Variants in GATAD2B observed in about 807,000 individuals in gnomAD.
GATAD2B encodes the protein GATA zinc finger domain containing 2B.
GATAD2B carries 8 observed loss-of-function variants against 64.3 expected under a neutral mutation model. That is an observed-to-expected ratio of 0.12 (90% CI 0.07 to 0.22). The LOEUF is 0.22. GATAD2B is among the 10% of genes least tolerant of loss of function. The pLI, the probability that GATAD2B is intolerant of heterozygous loss-of-function variation, is 1.00. For synonymous variants in GATAD2B, 281 were observed against 271.3 expected (o/e 1.04, Z -0.35); for missense variants, 453 against 752.0 (o/e 0.60, Z 4.65).
intron 1 of GATAD2B, among the ~76,000 whole-genome samples, chr1:153,911,803 C>T (rs1264488065): frequency 6.6e-6 from 1 of 152,084 alleles, no homozygotes; most frequent in Non-Finnish European, 1.5e-5. Context: ...ATTTATAAAC[C>T]TATAAAATAA....
intron 1 of GATAD2B, among the ~76,000 whole-genome samples, chr1:153,889,864 TAC>T (rs1482290788): frequency 6.6e-6 from 1 of 152,134 alleles, no homozygotes; most frequent in Non-Finnish European, 1.5e-5. Flanking sequence ...TACAAACATC[TAC>T]ATTATCAATA....
At chr1:153,858,727 T>A (rs749156295) in intron 1 of GATAD2B, among the ~76,000 whole-genome samples, 6 of 151,966 alleles carry the variant, frequency 3.9e-5, no homozygotes, top group Non-Finnish European at 7.4e-5. Context: ...CAAGACCCTA[T>A]CTCCAAAAAA....
In GATAD2B at chr1:153,830,033, T is replaced by C. The variant is rs1355353024; in HGVS notation, c.-1-1685A>G. On this transcript the variant is annotated intron_variant, in intron 1 of 10. Coordinates refer to ENST00000368655, the MANE Select transcript of GATAD2B (RefSeq NM_020699.4). ...ATCACTTGAACCTGCAAGGTGGAGG[T>C]TGCAGTGTGCCAAGATCACACCACT... is the stretch of plus-strand genomic sequence containing the variant. Among the ~76,000 whole-genome samples the C allele has an allele frequency of 1.3e-4, 19 of 148,216 alleles. 1 individual carries two copies. Among genetic ancestry groups the C allele is most frequent in the Admixed American group, 1.2e-3 (18 of 14,864 alleles).
intron 1 of GATAD2B, chr1:153,890,545 C>A (rs1677349962): frequency 6.6e-6 from 1 of 151,706 alleles, no homozygotes. Context: ...CCCAGCCAGC[C>A]TGGCAGCTGC....
intron 1 of GATAD2B, among the ~76,000 whole-genome samples, chr1:153,865,949 A>T (rs1021011784): frequency 1.3e-5 from 2 of 152,180 alleles, no homozygotes; most frequent in Non-Finnish European, 2.9e-5. Flanking sequence ...TCATGCCTGT[A>T]ATCCCATCAC....
chr1:153,913,308 G>A (rs536258329), intron 1 of GATAD2B, among the ~76,000 whole-genome samples: 22 of 152,132 alleles, frequency 1.4e-4, no homozygotes, highest in Non-Finnish European at 2.9e-4. Flanking sequence ...AATAATCAAA[G>A]GTATTGTTCC....
rs71093290 is a variant in GATAD2B, at chr1:153,828,455, TACACACAC to T, written c.-1-115_-1-108del. On this transcript the variant is annotated intron_variant, in intron 1 of 10. Transcript: ENST00000368655. The stretch of plus-strand genomic sequence containing the variant: ...TTAACAAGAATCTCTCTCTCACACA[TACACACAC>T]ACACACACACACACACACACACACA... 0.34 allele frequency: 197,377 copies of T among 583,306 alleles called. 15,122 individuals are homozygous for T. Among genetic ancestry groups the T allele is most frequent in the Non-Finnish European group, 0.4 (131,001 of 330,866 alleles). The allele number at this position is 583,306 out of a possible 1,614,324, so 36.1% of individuals were successfully genotyped here. A position where few individuals can be genotyped will look rare whatever the true frequency, so the allele number is the denominator to read the frequency against.
chr1:153,833,814 A>C (rs1293227035), intron 1 of GATAD2B, among the ~76,000 whole-genome samples: 1 of 144,598 alleles, frequency 6.9e-6, no homozygotes, highest in South Asian at 2.2e-4. Flanking sequence ...CAGTCTCCAA[A>C]AAAAAAAAAA....
At chr1:153,817,161 G>A (rs1674505563) in intron 6 of GATAD2B, among the ~76,000 whole-genome samples, 1 of 152,150 alleles carries the variant, frequency 6.6e-6, no homozygotes, top group Non-Finnish European at 1.5e-5. Flanking sequence ...CTGCTGCTCT[G>A]CTGTATAACC....
At chr1:153,894,131 A>C (rs1443736280) in intron 1 of GATAD2B, among the ~76,000 whole-genome samples, 1 of 152,118 alleles carries the variant, frequency 6.6e-6, no homozygotes, top group Non-Finnish European at 1.5e-5. Flanking sequence ...AATAGTGGCT[A>C]CCTGTTGGAG....
chr1:153,831,852 G>A (rs1408252039), intron 1 of GATAD2B, among the ~76,000 whole-genome samples: 1 of 152,190 alleles, frequency 6.6e-6, no homozygotes, highest in African/African-American at 2.4e-5. Context: ...TATACGCCTA[G>A]ACGCAAAAAG....
At position 153,804,765 on chromosome 1, in the gene GATAD2B, AG is replaced by A. The variant is rs1265843809; in HGVS notation, c.*5411del. 2 of 152,662 alleles carry A rather than the reference AG, an allele frequency of 1.3e-5. No individual in the cohort carries two copies. Among genetic ancestry groups the A allele is most frequent in the African/African-American group, 4.8e-5 (2 of 41,462 alleles). 9.5% of individuals were successfully genotyped at this position (152,662 alleles called of 1,614,324 possible). A position where few individuals can be genotyped will look rare whatever the true frequency, so the allele number is the denominator to read the frequency against. On this transcript the variant is annotated 3_prime_UTR_variant, in exon 11 of 11. Transcript: ENST00000368655. ...CTTTCTTTATTAAACATAGCTTGCA[AG>A]TGATAAATATTACAAAGTTTTTTTT...
chr1:153,905,572 A>T (rs1677899639), intron 1 of GATAD2B, among the ~76,000 whole-genome samples: 1 of 150,988 alleles, frequency 6.6e-6, no homozygotes, highest in South Asian at 2.1e-4. Context: ...AAAAAAAAAA[A>T]AAAGAACAAA....
rs1675987688 is a variant in GATAD2B at position 153,853,683 on chromosome 1, A to G, written c.-1-25335T>C. 2.0e-5 allele frequency among the ~76,000 whole-genome samples: 3 copies of G among 152,242 alleles called. No individual in the cohort carries two copies. In the South Asian group the frequency reaches 6.2e-4, roughly 32 times the overall value. On this transcript the variant is annotated intron_variant, in intron 1 of 10. Transcript: ENST00000368655. Reference sequence around the variant, plus strand: ...TCATATCCACGAAATCATTGCCAAGACCAATGTCATAATGCTTTTTCCCTG... The same window carrying G: ...TCATATCCACGAAATCATTGCCAAGGCCAATGTCATAATGCTTTTTCCCTG...
intron 1 of GATAD2B, among the ~76,000 whole-genome samples, chr1:153,919,563 A>C (rs1243524845): frequency 6.6e-6 from 1 of 152,204 alleles, no homozygotes; most frequent in Non-Finnish European, 1.5e-5. Flanking sequence ...CTACAGAAAA[A>C]GCTTCACAGA....
intron 1 of GATAD2B, among the ~76,000 whole-genome samples, chr1:153,915,314 T>G (rs929467636): frequency 6.6e-6 from 1 of 152,026 alleles, no homozygotes; most frequent in African/African-American, 2.4e-5. Flanking sequence ...TCCCAGCTAC[T>G]CAGGAGGCTG....
chr1:153,848,683 G>A (rs1261942690), intron 1 of GATAD2B, among the ~76,000 whole-genome samples: 1 of 152,144 alleles, frequency 6.6e-6, no homozygotes, highest in Non-Finnish European at 1.5e-5. Flanking sequence ...ATTATGCATG[G>A]TGGCTAACGC....
intron 1 of GATAD2B, among the ~76,000 whole-genome samples, chr1:153,853,883 T>C (rs558569921): frequency 9.2e-5 from 14 of 152,154 alleles, no homozygotes; most frequent in Non-Finnish European, 1.9e-4. Context: ...TTCCTTATTG[T>C]ATATTCTTGA....
At chr1:153,824,107 A>C (rs991602025) in intron 2 of GATAD2B, among the ~76,000 whole-genome samples, 2 of 152,168 alleles carry the variant, frequency 1.3e-5, no homozygotes, top group Non-Finnish European at 2.9e-5. Flanking sequence ...CTTCCAGAGG[A>C]TTGTGTTTCA....
Sources: allele counts gnomAD v4.1 joint callset (sites outside exome capture counted in the v4.1 genomes callset), GRCh38; gene constraint gnomAD v4.1.1; transcripts MANE v1.5; gene names NCBI Gene and HGNC (gene_info 2026-07-23, HGNC 2026-07-21).